The following GPRC5B variants were observed in gnomAD, a reference collection of about 807,000 sequenced individuals.
GPRC5B encodes G protein-coupled receptor family C group 5 member B.
GPRC5B carries 16 observed loss-of-function variants against 30.1 expected under a neutral mutation model. The ratio of observed to expected loss-of-function variants is 0.53; its 90% CI spans 0.36 to 0.81. The LOEUF is 0.81. Ranked by LOEUF, GPRC5B falls within the 30% of genes least tolerant of loss-of-function variation. The pLI is 0.01. For synonymous variants in GPRC5B, 241 were observed against 239.5 expected, an observed-to-expected ratio of 1.01 and a Z score of -0.06; for missense variants, 428 against 544.7, an observed-to-expected ratio of 0.79 and a Z score of 2.13.
At chr16:19,871,632 GACAA>G (rs955604896) in intron 2 of GPRC5B, among the ~76,000 whole-genome samples, 180 bp downstream of exon 2, 4 of 149,616 alleles carry the variant, frequency 2.7e-5, no homozygotes, top group East Asian at 1.9e-4. Context: ...CAAACAAACA[GACAA>G]ACAAACAACC....
intron 1 of GPRC5B, among the ~76,000 whole-genome samples, chr16:19,878,026 C>A (rs560483266): frequency 5.9e-5 from 9 of 152,020 alleles, no homozygotes; most frequent in African/African-American, 2.2e-4. Flanking sequence ...TGGTGAAACC[C>A]CGTTTCTACT....
At chr16:19,868,081 A>G (rs1414147911) in intron 2 of GPRC5B, among the ~76,000 whole-genome samples, 2 of 150,532 alleles carry the variant, frequency 1.3e-5, no homozygotes, top group Admixed American at 6.6e-5. Flanking sequence ...AACAAAACAA[A>G]ACGAAAAAGG....
At chr16:19,870,835 C>A (rs1371232299) in intron 2 of GPRC5B, among the ~76,000 whole-genome samples, 1 of 152,198 alleles carries the variant, frequency 6.6e-6, no homozygotes, top group African/African-American at 2.4e-5. Context: ...AGAGGCAGGG[C>A]CCTTCCAGTG....
At chr16:19,885,386 C>G (rs1300619658), upstream of GPRC5B, 16 of 1,171,516 alleles carry the variant, frequency 1.4e-5, no homozygotes, top group Non-Finnish European at 1.5e-5. The surrounding 1 kb of genome is among the most constrained non-coding windows in gnomAD (Gnocchi z 5.3). Context: ...TACACCTAGG[C>G]GCACACACAC....
At chr16:19,864,873 T>TC (rs35537098) in intron 2 of GPRC5B, among the ~76,000 whole-genome samples, 10,859 of 150,910 alleles carry the variant, frequency 0.072, 607 homozygotes, top group South Asian at 0.24. Context: ...TAGCCAGGAC[T>TC]CCAACTTAGC....
chr16:19,871,111 C>T lies in GPRC5B; in HGVS notation c.1030+705G>A, dbSNP rs545203766. 7.3e-5 allele frequency among the ~76,000 whole-genome samples: 11 copies of T among 151,432 alleles called. No individual in the cohort carries two copies. The South Asian group carries it at 2.1e-3, about 29-fold the overall frequency. On this transcript the variant is annotated intron_variant, in intron 2 of 3. Transcript: ENST00000300571. ...CCTGCCTGGGCCACATAATGAGACC[C>T]TGTCTCTAAAAAGAATAAAAAAAGT...
chr16:19,860,535 C>T lies in GPRC5B; in HGVS notation c.1177G>A (p.Ala393Thr). Residue 393 changes from alanine (A) to threonine (T), a missense_variant, in exon 4 of 4, where the codon GCT becomes ACT. Around this residue, in one of 3 missense-constraint regions of GPRC5B, gnomAD observed 19 missense variants for 43.1 expected, o/e 0.44. Transcript: ENST00000300571. The stretch of plus-strand genomic sequence containing the variant: ...TGTCTTCCTGTGTGACTTGGCGGAG[C>T]AGTTGGGATCTGGAATAACACATAA... ...VVLNGGTIPT[A>T]PPSHTGRHLW 1 of 1,597,434 alleles carries T rather than the reference C, an allele frequency of 6.3e-7. No individual in the cohort carries two copies. The highest frequency in any genetic ancestry group is 8.6e-7 in the Non-Finnish European group (1 of 1,164,896).
In GPRC5B at chr16:19,871,916, C is replaced by T. The variant is rs1597628863; in HGVS notation, c.930G>A (p.Thr310=). Residue 310 remains threonine (T), a synonymous_variant, in exon 2 of 4, where the codon ACG becomes ACA. Coordinates refer to ENST00000300571, the MANE Select transcript of GPRC5B (RefSeq NM_016235.3). ...LQENTPNYFD[T]SQPRMRETAF... ...CCGTCTCCCGCATCCTGGGCTGCGA[C>T]GTGTCGAAGTAGTTGGGCGTGTTCT... is the stretch of plus-strand genomic sequence containing the variant. 3.7e-6 allele frequency: 6 copies of T among 1,613,908 alleles called. No homozygotes were observed. Among genetic ancestry groups the T allele is most frequent in the Middle Eastern group, 1.6e-4 (1 of 6,084 alleles).
In GPRC5B at chr16:19,861,826, T is replaced by A; in HGVS notation, c.1167+11A>T. On this transcript the variant is annotated intron_variant, in intron 3 of 3. Coordinates refer to ENST00000300571, the MANE Select transcript of GPRC5B (RefSeq NM_016235.3). ...AGGCTTCCTACCCCCACATCACATC[T>A]TGATACTTACGGTCCCACCGTTGAG... The A allele has an allele frequency of 6.2e-7, 1 of 1,612,068 alleles. No homozygotes were observed. The highest frequency in any genetic ancestry group is 8.5e-7 in the Non-Finnish European group (1 of 1,178,868).
At chr16:19,868,389 A>G (rs1667022886) in intron 2 of GPRC5B, among the ~76,000 whole-genome samples, 2 of 152,290 alleles carry the variant, frequency 1.3e-5, no homozygotes, top group Admixed American at 6.5e-5. Context: ...AAAAAAAAGA[A>G]AGAAAAAAGA....
chr16:19,874,239 G>A lies in GPRC5B; in HGVS notation c.-1-1393C>T, dbSNP rs185079763. Among the ~76,000 whole-genome samples the A allele has an allele frequency of 2.6e-3, 391 of 152,164 alleles. 4 individuals carry two copies. The highest frequency in any genetic ancestry group is 0.02 in the Admixed American group (303 of 15,270). The stretch of plus-strand genomic sequence containing the variant: ...CTCTCTCTTGCCCATATACGAGCTG[G>A]AGTCCACACAGCAGCCTCAGCGATG... On this transcript the variant is annotated intron_variant, in intron 1 of 3. Coordinates refer to ENST00000300571, the MANE Select transcript of GPRC5B (RefSeq NM_016235.3).
intron 1 of GPRC5B, among the ~76,000 whole-genome samples, chr16:19,879,769 T>G (rs2056789692): frequency 6.6e-6 from 1 of 152,124 alleles, no homozygotes; most frequent in Non-Finnish European, 1.5e-5. Flanking sequence ...GGGGTTGCGG[T>G]GACGGTTAAA....
chr16:19,871,738 C>G, intron 2 of GPRC5B, 78 bp downstream of exon 2: 1 of 1,325,358 alleles, frequency 7.5e-7, no homozygotes. Context: ...ACCGCCCATC[C>G]CCACTGAAGA....
upstream of GPRC5B, chr16:19,884,926 C>T (rs2056839301): frequency 1.1e-6 from 1 of 937,522 alleles, no homozygotes; most frequent in South Asian, 4.8e-5. Context: ...CCCGCCCCCG[C>T]CCCCGCCCCC....
chr16:19,860,359 T>G lies in GPRC5B; in HGVS notation c.*141A>C. The G allele has an allele frequency of 3.2e-6, 2 of 624,904 alleles. No homozygotes were observed. The highest frequency in any genetic ancestry group is 2.7e-5 in the Admixed American group (1 of 36,972). 38.7% of individuals were successfully genotyped at this position (624,904 alleles called of 1,614,324 possible). On this transcript the variant is annotated 3_prime_UTR_variant, in exon 4 of 4. Coordinates refer to ENST00000300571, the MANE Select transcript of GPRC5B (RefSeq NM_016235.3). ...CGTCAGTGTTCACATTTACACGAAA[T>G]CCCCTTGGCTAGGATTTCCAAATTT...
At position 19,858,618 on chromosome 16, in the gene GPRC5B, TC is replaced by T. The variant is rs1272635108; in HGVS notation, c.*1881del. The stretch of plus-strand genomic sequence containing the variant: ...GAGGTGTTTGAAGATTTCTTTCTTT[TC>T]AGAATACCGGGTCCGCATGCAACCG... On this transcript the variant is annotated 3_prime_UTR_variant, in exon 4 of 4. Transcript: ENST00000300571. 6.9e-6 allele frequency: 4 copies of T among 583,210 alleles called. No homozygotes were observed. Among genetic ancestry groups the T allele is most frequent in the Non-Finnish European group, 1.2e-5 (4 of 320,714 alleles). The allele number at this position is 583,210 out of a possible 1,614,324, so 36.1% of individuals were successfully genotyped here.
chr16:19,869,654 A>T (rs979765596), intron 2 of GPRC5B, among the ~76,000 whole-genome samples: 1 of 152,166 alleles, frequency 6.6e-6, no homozygotes, highest in African/African-American at 2.4e-5. Flanking sequence ...AGCCCCCTGC[A>T]GCAGTAGCAG....
At position 19,871,991 on chromosome 16, in the gene GPRC5B, G is replaced by C; in HGVS notation, c.855C>G (p.Ile285Met). Residue 285 changes from isoleucine (I) to methionine (M), a missense_variant, in exon 2 of 4, where the codon ATC (isoleucine) becomes ATG (methionine). This residue lies in a region of GPRC5B where 213 missense variants were observed against 229.1 expected (regional missense o/e 0.93). Coordinates refer to ENST00000300571, the MANE Select transcript of GPRC5B (RefSeq NM_016235.3). ...AGTGGATCTCAGGGATGGCGTGGAA[G>C]ATGACGAAGACCCAGCCGCTGGCCG... ...TLAASGWVFV[I>M]FHAIPEIHCT... The C allele has an allele frequency of 6.2e-7, 1 of 1,614,126 alleles. No homozygotes were observed. The highest frequency in any genetic ancestry group is 8.5e-7 in the Non-Finnish European group (1 of 1,180,030).
chr16:19,884,529 C>T (rs1261738465), intron 1 of GPRC5B, among the ~76,000 whole-genome samples, 198 bp downstream of exon 1: 5 of 136,146 alleles, frequency 3.7e-5, no homozygotes. Flanking sequence ...CACCCCTCTA[C>T]GGCTCTGCTC....
Sources: allele counts gnomAD v4.1 joint callset (sites outside exome capture counted in the v4.1 genomes callset), GRCh38; gene constraint gnomAD v4.1.1; regional missense constraint gnomAD v4.1.1; non-coding constraint Gnocchi (gnomAD v3.1); transcripts MANE v1.5; gene names NCBI Gene and HGNC (gene_info 2026-07-23, HGNC 2026-07-21).